The following RAPGEF4 variants were observed in gnomAD, a reference collection of about 807,000 sequenced individuals.
RAPGEF4 encodes RAP guanine-nucleotide-exchange factor (GEF) 4.
In RAPGEF4, 66 loss-of-function variants were observed where a neutral mutation model predicts 147.9. The observed-to-expected ratio is 0.45, with a 90% CI of 0.37 to 0.55. The LOEUF is 0.55. Ranked by LOEUF, RAPGEF4 falls within the 20% of genes least tolerant of loss-of-function variation. RAPGEF4 has a pLI of 0.00. For synonymous variants in RAPGEF4, 419 were observed against 442.7 expected, an observed-to-expected ratio of 0.95 and a Z score of 0.67; for missense variants, 1,071 against 1,257.3, an observed-to-expected ratio of 0.85 and a Z score of 2.24.
intron 1 of RAPGEF4, among the ~76,000 whole-genome samples, chr2:172,780,119 T>G (rs1279203064): frequency 6.6e-6 from 1 of 152,116 alleles, no homozygotes; most frequent in Non-Finnish European, 1.5e-5. Context: ...CCTGTACACC[T>G]CTGAGTTCTT....
At chr2:173,047,132 G>A (rs1481698217) in intron 29 of RAPGEF4, among the ~76,000 whole-genome samples, 1 of 143,964 alleles carries the variant, frequency 6.9e-6, no homozygotes, top group African/African-American at 2.5e-5. Context: ...TAGAGCCTGA[G>A]CAGTAAAGTG....
intron 4 of RAPGEF4, among the ~76,000 whole-genome samples, chr2:172,844,124 G>A (rs981361234): frequency 6.6e-6 from 1 of 152,168 alleles, no homozygotes; most frequent in Non-Finnish European, 1.5e-5. Context: ...TGTATTTTAC[G>A]GGTTGATCAG....
At chr2:172,985,182 AAC>A (rs2105686266) in intron 11 of RAPGEF4, among the ~76,000 whole-genome samples, 1 of 152,310 alleles carries the variant, frequency 6.6e-6, no homozygotes, top group Admixed American at 6.5e-5. Context: ...CCATGTTTGA[AAC>A]AGTCTCTAAG....
At chr2:172,971,446 G>A (rs922300145) in intron 10 of RAPGEF4, among the ~76,000 whole-genome samples, 3 of 152,174 alleles carry the variant, frequency 2.0e-5, no homozygotes, top group Non-Finnish European at 2.9e-5. Context: ...ATTTGGGCCC[G>A]AGCAGAGAGA....
intron 13 of RAPGEF4, 83 bp downstream of exon 13, chr2:172,988,355 A>G: frequency 1.3e-6 from 2 of 1,510,254 alleles, no homozygotes; most frequent in Non-Finnish European, 1.8e-6. Flanking sequence ...TAGTGCCACA[A>G]TTAAATTTGC....
intron 16 of RAPGEF4, among the ~76,000 whole-genome samples, chr2:172,998,554 CACA>C (rs945893336): frequency 3.3e-5 from 5 of 152,094 alleles, no homozygotes; most frequent in African/African-American, 1.2e-4. Flanking sequence ...CTCCAGCTTG[CACA>C]ACAACAACAA....
intron 1 of RAPGEF4, among the ~76,000 whole-genome samples, chr2:172,791,382 G>A (rs1681417162): frequency 6.6e-6 from 1 of 152,168 alleles, no homozygotes; most frequent in African/African-American, 2.4e-5. Flanking sequence ...TGTATGGTTG[G>A]CCCTGTTTCG....
chr2:173,004,309 A>G (rs905798270), intron 17 of RAPGEF4, among the ~76,000 whole-genome samples: 2 of 152,168 alleles, frequency 1.3e-5, no homozygotes, highest in African/African-American at 4.8e-5. Context: ...AGTACTTTAT[A>G]ATGAGTTTGA....
intron 3 of RAPGEF4, among the ~76,000 whole-genome samples, chr2:172,803,724 T>A (rs1039893674): frequency 6.6e-6 from 1 of 152,214 alleles, no homozygotes; most frequent in African/African-American, 2.4e-5. Flanking sequence ...TTTTCCAAAC[T>A]TTTATGCTCT....
At chr2:172,821,587 C>T (rs565624510) in intron 4 of RAPGEF4, 20 of 992,374 alleles carry the variant, frequency 2.0e-5, no homozygotes, top group Non-Finnish European at 2.4e-5. Context: ...AGTTCTGATT[C>T]TTTTAAACCA....
chr2:172,755,179 G>A (rs910913113), intron 1 of RAPGEF4, among the ~76,000 whole-genome samples: 2 of 152,166 alleles, frequency 1.3e-5, no homozygotes, highest in Admixed American at 6.6e-5. Context: ...CTTTTGATGA[G>A]AAGTTGAGGT....
chr2:172,932,837 C>T (rs184157706), intron 6 of RAPGEF4, among the ~76,000 whole-genome samples: 2 of 152,240 alleles, frequency 1.3e-5, no homozygotes, highest in East Asian at 1.9e-4. Flanking sequence ...TTTAAATATT[C>T]GTGTTTTAAA....
rs552955523 is a variant in RAPGEF4 at position 172,742,311 on chromosome 2, G to A, written c.65+6263G>A. On this transcript the variant is annotated intron_variant, in intron 1 of 30. Coordinates refer to ENST00000397081, the MANE Select transcript of RAPGEF4 (RefSeq NM_007023.4). ...GTTGCATTTAGTTGATATGTCTATA[G>A]GTCTGGGTTCTCTCTTTCTCTCTTT... is the stretch of plus-strand genomic sequence containing the variant. 2.0e-5 allele frequency among the ~76,000 whole-genome samples: 3 copies of A among 152,134 alleles called. 1 individual carries two copies. The highest frequency in any genetic ancestry group is 4.2e-4 in the South Asian group (2 of 4,814).
chr2:173,024,221 T>A (rs2357953), intron 23 of RAPGEF4, among the ~76,000 whole-genome samples: 14,861 of 43,646 alleles, frequency 0.34, 1,386 homozygotes, highest in Middle Eastern at 0.45. Flanking sequence ...TTTTATTATT[T>A]TTTTTTTTTT....
intron 4 of RAPGEF4, among the ~76,000 whole-genome samples, chr2:172,845,423 A>G (rs1022041934): frequency 3.9e-5 from 6 of 152,144 alleles, no homozygotes; most frequent in African/African-American, 1.4e-4. Context: ...ATTAAAATGC[A>G]AACCAAACCC....
intron 17 of RAPGEF4, among the ~76,000 whole-genome samples, chr2:173,008,940 C>A (rs1430246570): frequency 6.6e-6 from 1 of 152,174 alleles, no homozygotes; most frequent in African/African-American, 2.4e-5. Context: ...GGTAGAAAAA[C>A]TGTAGCCTAC....
At chr2:173,013,066 C>G (rs746100450) in intron 17 of RAPGEF4, among the ~76,000 whole-genome samples, 7 of 152,152 alleles carry the variant, frequency 4.6e-5, no homozygotes, top group Non-Finnish European at 1.0e-4. Flanking sequence ...GAATCTCGTG[C>G]TCAATTTATG....
At chr2:172,773,439 G>A (rs931147090) in intron 1 of RAPGEF4, among the ~76,000 whole-genome samples, 6 of 152,050 alleles carry the variant, frequency 3.9e-5, no homozygotes, top group Non-Finnish European at 7.4e-5. Flanking sequence ...CACATTTTTC[G>A]TTTTGCTGCT....
chr2:172,905,511 G>A (rs1053759513), intron 4 of RAPGEF4, among the ~76,000 whole-genome samples: 9 of 152,330 alleles, frequency 5.9e-5, no homozygotes, highest in African/African-American at 9.6e-5. Flanking sequence ...CTCCCTACAT[G>A]TATGGGTCAG....
Sources: gnomAD v4.1 joint callset for allele counts (sites outside exome capture counted in the v4.1 genomes callset) on GRCh38, gnomAD v4.1.1 for gene constraint, MANE v1.5 for transcripts, NCBI Gene and HGNC (gene_info 2026-07-23, HGNC 2026-07-21) for gene names.